Variants in USP6 observed in about 807,000 individuals in gnomAD.
USP6 encodes the protein ubiquitin specific peptidase 6.
USP6 carries 128 observed loss-of-function variants against 175.7 expected under a neutral mutation model. The observed-to-expected ratio is 0.73, with a 90% CI of 0.63 to 0.84. USP6 has a LOEUF of 0.84. Among genes scored for constraint, USP6 ranks in the 40% least tolerant of loss-of-function variants. The pLI, the probability that USP6 is intolerant of heterozygous loss-of-function variation, is 0.00. For missense variants in USP6, 1,498 were observed against 1,760.3 expected (o/e 0.85, Z 2.67); for synonymous variants, 562 against 630.6 (o/e 0.89, Z 1.63).
At chr17:5,139,967 T>C (rs757906821) in intron 22 of USP6, among the ~76,000 whole-genome samples, 5 of 152,028 alleles carry the variant, frequency 3.3e-5, no homozygotes, top group Non-Finnish European at 1.5e-5. Flanking sequence ...TATGAAAATT[T>C]ATTAAGAAAG....
intron 37 of USP6, among the ~76,000 whole-genome samples, chr17:5,172,174 C>CA (rs539259328): frequency 0.11 from 10,650 of 99,750 alleles, 534 homozygotes; most frequent in South Asian, 0.26. Flanking sequence ...GGCTCTGTCT[C>CA]AAAAAAAAAA....
At chr17:5,123,927 A>G (rs1301955543) in intron 4 of USP6, among the ~76,000 whole-genome samples, 5 of 152,130 alleles carry the variant, frequency 3.3e-5, no homozygotes, top group Admixed American at 6.5e-5. Flanking sequence ...ACGCACACAC[A>G]CACACACACA....
intron 33 of USP6, among the ~76,000 whole-genome samples, chr17:5,167,557 G>C (rs990128069): frequency 6.6e-6 from 1 of 152,104 alleles, no homozygotes; most frequent in African/African-American, 2.4e-5. Flanking sequence ...TGTCATCCGG[G>C]CTGGAGTGCA....
Position 5,146,194 on chromosome 17 carries a change from G to A in USP6, c.2319+20G>A, listed in dbSNP as rs2144002680. On this transcript the variant is annotated intron_variant, in intron 28 of 37. Coordinates refer to ENST00000574788, the MANE Select transcript of USP6 (RefSeq NM_001304284.2). ...ATAAAGGTAATGTTAACTACTCTAA[G>A]AAACTTTTGATTCTATCCTTCAAAG... The A allele has an allele frequency of 6.3e-7, 1 of 1,582,832 alleles. No homozygotes were observed. The highest frequency in any genetic ancestry group is 2.3e-5 in the East Asian group (1 of 44,374).
intron 30 of USP6, among the ~76,000 whole-genome samples, chr17:5,150,032 G>C (rs2073720211): frequency 6.6e-6 from 1 of 152,112 alleles, no homozygotes; most frequent in African/African-American, 2.4e-5. Context: ...AATGGCTCAT[G>C]CCTGTAATCC....
rs772196976 is a variant in USP6 at position 5,170,747 on chromosome 17, T to C, written c.3786T>C (p.His1262=). ...CAGAGCTGGTCACTCCTCAGGACCA[T>C]GAGGTAGCTTTGGCCAATGGATTCC... ...SQPELVTPQD[H]EVALANGFLY... The change falls in exon 36 of 38, where the codon CAT becomes CAC. Residue 1262 remains histidine (H), a synonymous_variant. Coordinates refer to ENST00000574788, the MANE Select transcript of USP6 (RefSeq NM_001304284.2). 1.2e-6 allele frequency: 2 copies of C among 1,613,908 alleles called. No homozygotes were observed. The highest frequency in any genetic ancestry group is 2.7e-5 in the African/African-American group (2 of 74,994).
Position 5,162,762 on chromosome 17 carries a change from A to T in USP6, c.2916-122A>T. ...TATCAGAGTCTGAAGTTAGAAGCCC[A>T]TGACAAATTGTGAGGCCCAAGAGGA... On this transcript the variant is annotated intron_variant, in intron 32 of 37. Transcript: ENST00000574788. The T allele has an allele frequency of 2.1e-6, 3 of 1,397,096 alleles. 1 individual carries two copies. The South Asian group carries it at 4.5e-5, about 21-fold the overall frequency. The allele number at this position is 1,397,096 out of a possible 1,614,324, so 86.5% of individuals were successfully genotyped here.
chr17:5,150,305 AAT>A (rs1277041052), intron 30 of USP6, among the ~76,000 whole-genome samples: 15 of 146,238 alleles, frequency 1.0e-4, no homozygotes, highest in African/African-American at 3.5e-4. Flanking sequence ...AAAATAAATA[AAT>A]AAATAAATAA....
chr17:5,157,851 G>A (rs541414408), intron 31 of USP6, among the ~76,000 whole-genome samples: 4 of 152,020 alleles, frequency 2.6e-5, no homozygotes, highest in African/African-American at 4.8e-5. Context: ...GGATGGTTTC[G>A]ATCTCCTGAC....
chr17:5,116,967 C>T (rs544690943), intron 1 of USP6, among the ~76,000 whole-genome samples: 2 of 152,304 alleles, frequency 1.3e-5, no homozygotes, highest in Admixed American at 6.5e-5. Context: ...AGGGCGGTGC[C>T]TACATTCTTG....
At chr17:5,138,470 G>GC in intron 21 of USP6, among the ~76,000 whole-genome samples, 197 bp downstream of exon 21, 1 of 152,296 alleles carries the variant, frequency 6.6e-6, no homozygotes, top group South Asian at 2.1e-4. Context: ...TACTGGATGT[G>GC]TTGTGCACGC....
intron 33 of USP6, among the ~76,000 whole-genome samples, chr17:5,165,579 T>TCAAAACAAAACAAAA (rs752963166): frequency 9.2e-5 from 14 of 151,856 alleles, no homozygotes; most frequent in Non-Finnish European, 1.5e-4. Context: ...AGACCCTGTC[T>TCAAAACAAAACAAAA]CAAAACAAAA....
rs1404784654 is a variant in USP6 at position 5,128,958 on chromosome 17, T to A, written c.-331T>A. On this transcript the variant is annotated 5_prime_UTR_variant, in exon 8 of 38. The change creates a new upstream start codon in the 5' untranslated region. Transcript: ENST00000574788. Reference sequence around the variant, plus strand: ...CCTGCTCTCTTCCCTCCAGGCTGACTTGGGGACAGTGGCTATGGTATGGGC... The same window carrying A: ...CCTGCTCTCTTCCCTCCAGGCTGACATGGGGACAGTGGCTATGGTATGGGC... 3.9e-5 allele frequency: 6 copies of A among 152,866 alleles called. No homozygotes were observed. Among genetic ancestry groups the A allele is most frequent in the Non-Finnish European group, 2.9e-5 (2 of 68,112 alleles). The allele number at this position is 152,866 out of a possible 1,614,324, so 9.5% of individuals were successfully genotyped here.
At chr17:5,134,907 C>G (rs1222344471) in intron 15 of USP6, 1 of 360,118 alleles carries the variant, frequency 2.8e-6, no homozygotes, top group Non-Finnish European at 5.4e-6. Flanking sequence ...CCAGGAGGGG[C>G]TGGAGCGGTG....
Position 5,142,002 on chromosome 17 carries a change from G to C in USP6, c.1574-1G>C. The stretch of plus-strand genomic sequence containing the variant: ...TTTGGTTCTCATATTGTTTGTTCCA[G>C]TTCCCACAGAAAAGGGAGCCACAGG... On this transcript the variant is annotated splice_acceptor_variant, in intron 23 of 37. Transcript: ENST00000574788. LOFTEE classifies it high-confidence loss of function. 1.2e-6 allele frequency: 2 copies of C among 1,612,096 alleles called. No individual in the cohort carries two copies.
intron 33 of USP6, among the ~76,000 whole-genome samples, chr17:5,166,198 TG>T (rs1442048474): frequency 6.6e-6 from 1 of 152,144 alleles, no homozygotes; most frequent in African/African-American, 2.4e-5. Context: ...CTACAGAATT[TG>T]TACTCAAAAA....
chr17:5,152,901 C>G (rs2073804565), intron 30 of USP6, among the ~76,000 whole-genome samples: 1 of 152,098 alleles, frequency 6.6e-6, no homozygotes, highest in African/African-American at 2.4e-5. Flanking sequence ...GAGGCTGAGG[C>G]AAGAGAATCT....
intron 25 of USP6, among the ~76,000 whole-genome samples, chr17:5,144,162 G>C (rs912632351): frequency 6.6e-6 from 1 of 151,974 alleles, no homozygotes; most frequent in Non-Finnish European, 1.5e-5. Context: ...TTCTAATGCG[G>C]TTAATAAAAG....
intron 31 of USP6, among the ~76,000 whole-genome samples, chr17:5,159,198 A>T (rs1269234436): frequency 6.6e-6 from 1 of 152,220 alleles, no homozygotes; most frequent in African/African-American, 2.4e-5. Flanking sequence ...GGGTGAAAGA[A>T]TCATTAGAAT....
Sources: allele counts gnomAD v4.1 joint callset (sites outside exome capture counted in the v4.1 genomes callset), GRCh38; gene constraint gnomAD v4.1.1; transcripts MANE v1.5; gene names NCBI Gene and HGNC (gene_info 2026-07-23, HGNC 2026-07-21).